The following CACNA2D1 variants were observed in gnomAD, a reference collection of about 807,000 sequenced individuals.
CACNA2D1 encodes voltage-dependent calcium channel subunit alpha-2/delta-1.
In CACNA2D1, 53 loss-of-function variants were observed where a neutral mutation model predicts 171.5. The observed-to-expected ratio is 0.31, with a 90% CI of 0.25 to 0.39. The LOEUF (loss-of-function observed/expected upper bound fraction) is 0.39. CACNA2D1 is among the 10% of genes least tolerant of loss of function. The pLI is 1.00. For missense variants in CACNA2D1, 903 were observed against 1,299.8 expected, an observed-to-expected ratio of 0.69 and a Z score of 4.69; for synonymous variants, 442 against 443.1, an observed-to-expected ratio of 1.00 and a Z score of 0.03.
At chr7:82,131,432 C>T (rs1790966445) in intron 5 of CACNA2D1, among the ~76,000 whole-genome samples, 1 of 152,152 alleles carries the variant, frequency 6.6e-6, no homozygotes, top group Non-Finnish European at 1.5e-5. Flanking sequence ...TCTATAAATA[C>T]TGCCTGGCCA....
intron 3 of CACNA2D1, among the ~76,000 whole-genome samples, chr7:82,190,961 T>G (rs1798233245): frequency 6.6e-6 from 1 of 151,722 alleles, no homozygotes; most frequent in Non-Finnish European, 1.5e-5. Context: ...ATTGTATATG[T>G]ATAGGTAAAC....
At chr7:82,127,494 T>A (rs1481596801) in intron 5 of CACNA2D1, among the ~76,000 whole-genome samples, 1 of 152,204 alleles carries the variant, frequency 6.6e-6, no homozygotes, top group Non-Finnish European at 1.5e-5. Context: ...CTGTATACTA[T>A]AAAATAAACT....
intron 3 of CACNA2D1, among the ~76,000 whole-genome samples, chr7:82,318,276 T>C (rs1815355523): frequency 6.6e-6 from 1 of 152,136 alleles, no homozygotes; most frequent in South Asian, 2.1e-4. Flanking sequence ...AGTTCAGAAA[T>C]AAAAACTATT....
intron 6 of CACNA2D1, among the ~76,000 whole-genome samples, chr7:82,100,316 T>C (rs1812521339): frequency 6.6e-6 from 1 of 152,176 alleles, no homozygotes; most frequent in Non-Finnish European, 1.5e-5. Flanking sequence ...CTTCTTGAAA[T>C]GTCTTATTAT....
At chr7:82,215,859 T>G (rs1364436533) in intron 3 of CACNA2D1, among the ~76,000 whole-genome samples, 1 of 152,174 alleles carries the variant, frequency 6.6e-6, no homozygotes, top group African/African-American at 2.4e-5. Context: ...TACCAGTATT[T>G]TTGCATCTTG....
At chr7:82,019,457 G>A (rs1285186530) in intron 12 of CACNA2D1, among the ~76,000 whole-genome samples, 4 of 151,840 alleles carry the variant, frequency 2.6e-5, no homozygotes, top group Non-Finnish European at 5.9e-5. Flanking sequence ...ATTAAATTTG[G>A]TATTACAGCT....
intron 3 of CACNA2D1, among the ~76,000 whole-genome samples, chr7:82,302,091 A>C (rs1180506271): frequency 6.6e-6 from 1 of 152,130 alleles, no homozygotes. Flanking sequence ...GAATATATTT[A>C]AATTTTCTTT....
intron 18 of CACNA2D1, among the ~76,000 whole-genome samples, chr7:81,998,782 T>C (rs994838801): frequency 2.9e-4 from 44 of 152,006 alleles, no homozygotes; most frequent in African/African-American, 9.2e-4. Context: ...TCTTACTGCG[T>C]GAAAAGGAAA....
chr7:82,081,838 C>T (rs1159338106), intron 7 of CACNA2D1, among the ~76,000 whole-genome samples: 1 of 149,058 alleles, frequency 6.7e-6, no homozygotes, highest in African/African-American at 2.6e-5. Flanking sequence ...TGACTGTGCA[C>T]CCAGCCTCTG....
At chr7:82,366,344 G>A (rs4236668) in intron 1 of CACNA2D1, among the ~76,000 whole-genome samples, 1 of 151,852 alleles carries the variant, frequency 6.6e-6, no homozygotes, top group Non-Finnish European at 1.5e-5. Context: ...GAACATAATA[G>A]CCAATAGGCG....
At chr7:82,430,506 G>T (rs187728633) in intron 1 of CACNA2D1, among the ~76,000 whole-genome samples, 1 of 151,814 alleles carries the variant, frequency 6.6e-6, no homozygotes, top group East Asian at 1.9e-4. Context: ...ATTAGTCATG[G>T]TATTAATGTA....
intron 38 of CACNA2D1, among the ~76,000 whole-genome samples, chr7:81,952,582 G>C (rs765828209): frequency 6.6e-6 from 1 of 151,978 alleles, no homozygotes; most frequent in South Asian, 2.1e-4. Flanking sequence ...CTTGAAATAC[G>C]TTCTCATGTA....
chr7:82,258,965 G>A (rs904472302), intron 3 of CACNA2D1, among the ~76,000 whole-genome samples: 12 of 151,514 alleles, frequency 7.9e-5, no homozygotes, highest in Non-Finnish European at 1.8e-4. Flanking sequence ...AGTAGCTGGG[G>A]TTACAGGTGC....
chr7:82,189,750 AC>A (rs1798111700), intron 3 of CACNA2D1, among the ~76,000 whole-genome samples: 1 of 151,870 alleles, frequency 6.6e-6, no homozygotes, highest in African/African-American at 2.4e-5. Context: ...AAGAATACGG[AC>A]AAAAAAATTT....
chr7:82,371,176 T>C (rs750599437), intron 1 of CACNA2D1, among the ~76,000 whole-genome samples: 4 of 152,178 alleles, frequency 2.6e-5, no homozygotes, highest in African/African-American at 4.8e-5. Flanking sequence ...GTAATGAAAA[T>C]AGAAATATTA....
At chr7:82,042,066 G>C (rs957489346) in intron 10 of CACNA2D1, among the ~76,000 whole-genome samples, 1 of 152,104 alleles carries the variant, frequency 6.6e-6, no homozygotes, top group African/African-American at 2.4e-5. Flanking sequence ...ATATTCAGTA[G>C]TGTATAACAG....
At chr7:82,158,019 GAATA>G (rs1794545247) in intron 4 of CACNA2D1, among the ~76,000 whole-genome samples, 1 of 151,704 alleles carries the variant, frequency 6.6e-6, no homozygotes. Flanking sequence ...CAGCATAGCT[GAATA>G]TATATACACA....
At chr7:82,273,726 A>G (rs112139577) in intron 3 of CACNA2D1, among the ~76,000 whole-genome samples, 11 of 152,322 alleles carry the variant, frequency 7.2e-5, no homozygotes, top group African/African-American at 2.6e-4. Context: ...GAAGGGTATA[A>G]TTCCAATTTA....
chr7:81,953,875 T>C (rs2130012613), intron 38 of CACNA2D1, among the ~76,000 whole-genome samples: 1 of 152,206 alleles, frequency 6.6e-6, no homozygotes, highest in Non-Finnish European at 1.5e-5. Context: ...TATTTCACTG[T>C]TTTTATTTTT....
Sources: allele counts gnomAD v4.1 joint callset (sites outside exome capture counted in the v4.1 genomes callset), GRCh38; gene constraint gnomAD v4.1.1; transcripts MANE v1.5; gene names NCBI Gene and HGNC (gene_info 2026-07-23, HGNC 2026-07-21).